Variants in LMX1A observed in about 807,000 individuals in gnomAD.
LMX1A encodes LIM homeobox transcription factor 1-alpha.
In LMX1A, 15 loss-of-function variants were observed where a neutral mutation model predicts 49.1. That is an observed-to-expected ratio of 0.31 (90% CI 0.20 to 0.47). The LOEUF (loss-of-function observed/expected upper bound fraction) is 0.47, where lower values mean the gene tolerates loss of function less well. Among genes scored for constraint, LMX1A ranks in the 20% least tolerant of loss-of-function variants. The pLI is 1.00. For missense variants in LMX1A, 372 were observed against 475.8 expected (o/e 0.78, Z 2.03); for synonymous variants, 167 against 185.7 (o/e 0.90, Z 0.82).
chr1:165,269,214 A>G (rs1653714790), intron 3 of LMX1A, among the ~76,000 whole-genome samples: 1 of 152,276 alleles, frequency 6.6e-6, no homozygotes, highest in South Asian at 2.1e-4. Flanking sequence ...CCCAGTGCAG[A>G]GAGCAGGGCT....
intron 2 of LMX1A, among the ~76,000 whole-genome samples, chr1:165,354,685 G>A (rs1196196330): frequency 6.6e-6 from 1 of 152,158 alleles, no homozygotes; most frequent in Non-Finnish European, 1.5e-5. Context: ...AGTGAAAGAG[G>A]CAAGAGGTTT....
intron 3 of LMX1A, among the ~76,000 whole-genome samples, chr1:165,250,621 C>A (rs1377338645): frequency 6.6e-6 from 1 of 152,160 alleles, no homozygotes; most frequent in Non-Finnish European, 1.5e-5. Flanking sequence ...GTTAGACTAT[C>A]TATTATATAT....
intron 3 of LMX1A, among the ~76,000 whole-genome samples, chr1:165,278,324 C>T (rs1571197375): frequency 6.6e-6 from 1 of 152,342 alleles, no homozygotes; most frequent in African/African-American, 2.4e-5. Context: ...TCTTTGTACA[C>T]TGAAAATCAA....
chr1:165,219,923 G>A (rs1416586649), intron 4 of LMX1A, among the ~76,000 whole-genome samples: 1 of 152,162 alleles, frequency 6.6e-6, no homozygotes, highest in Non-Finnish European at 1.5e-5. Flanking sequence ...TTAAGAGAGG[G>A]GACTAGGGAA....
chr1:165,317,480 G>C (rs1231309516), intron 3 of LMX1A, among the ~76,000 whole-genome samples: 1 of 152,136 alleles, frequency 6.6e-6, no homozygotes, highest in Non-Finnish European at 1.5e-5. Flanking sequence ...TTAAAAAGTA[G>C]AGGCAGAGCA....
At chr1:165,319,028 C>G (rs1351577158) in intron 3 of LMX1A, among the ~76,000 whole-genome samples, 2 of 140,720 alleles carry the variant, frequency 1.4e-5, no homozygotes, top group African/African-American at 2.6e-5. Context: ...CACACACACA[C>G]ACACACACAC....
chr1:165,301,648 G>A (rs1654776880), intron 3 of LMX1A, among the ~76,000 whole-genome samples: 1 of 152,154 alleles, frequency 6.6e-6, no homozygotes, highest in Non-Finnish European at 1.5e-5. Context: ...TGCTCCTCCA[G>A]TGTCAAAAAT....
intron 3 of LMX1A, among the ~76,000 whole-genome samples, chr1:165,250,744 G>A (rs770446235): frequency 1.3e-5 from 2 of 152,254 alleles, no homozygotes; most frequent in Non-Finnish European, 2.9e-5. Context: ...AATTAAAGTA[G>A]AGGGCTGTGG....
intron 3 of LMX1A, among the ~76,000 whole-genome samples, chr1:165,307,972 T>C (rs1389751426): frequency 6.6e-6 from 1 of 152,162 alleles, no homozygotes; most frequent in African/African-American, 2.4e-5. Context: ...CTTGGTTCCA[T>C]AAATGTTGAG....
intron 3 of LMX1A, among the ~76,000 whole-genome samples, chr1:165,297,657 G>A (rs989783820): frequency 1.3e-5 from 2 of 152,184 alleles, no homozygotes; most frequent in Non-Finnish European, 2.9e-5. Context: ...AGAGACTCCA[G>A]GCCCCAACAT....
intron 3 of LMX1A, among the ~76,000 whole-genome samples, chr1:165,250,907 C>T (rs1048981449): frequency 1.3e-5 from 2 of 152,110 alleles, no homozygotes; most frequent in Non-Finnish European, 2.9e-5. Flanking sequence ...GGGGAGGGAA[C>T]AGCCTGTGTG....
At chr1:165,318,697 C>T (rs144740760) in intron 3 of LMX1A, among the ~76,000 whole-genome samples, 1 of 151,990 alleles carries the variant, frequency 6.6e-6, no homozygotes, top group African/African-American at 2.4e-5. Context: ...GGCCTTTTAC[C>T]CTTCACCTTT....
chr1:165,268,891 T>C (rs775508394), intron 3 of LMX1A, among the ~76,000 whole-genome samples: 1 of 152,262 alleles, frequency 6.6e-6, no homozygotes, highest in South Asian at 2.1e-4. Flanking sequence ...AAAGACCATA[T>C]GACAGGCAAC....
intron 4 of LMX1A, among the ~76,000 whole-genome samples, chr1:165,242,453 G>C (rs1395195752): frequency 8.1e-6 from 1 of 123,936 alleles, no homozygotes; most frequent in African/African-American, 3.2e-5. Flanking sequence ...AATTTTAAAT[G>C]ATACATAAAA....
chr1:165,270,076 A>G (rs982678232), intron 3 of LMX1A, among the ~76,000 whole-genome samples: 8 of 152,116 alleles, frequency 5.3e-5, no homozygotes, highest in Non-Finnish European at 8.8e-5. Context: ...AAGAAAGAAA[A>G]TGTCCTCTAT....
intron 3 of LMX1A, among the ~76,000 whole-genome samples, chr1:165,329,094 G>A (rs1326591766): frequency 6.6e-6 from 1 of 152,178 alleles, no homozygotes; most frequent in Non-Finnish European, 1.5e-5. Context: ...TGGCTGGGGA[G>A]GCCTCAGAAA....
intron 3 of LMX1A, among the ~76,000 whole-genome samples, chr1:165,255,742 G>A (rs1175938049): frequency 6.6e-6 from 1 of 152,166 alleles, no homozygotes; most frequent in Non-Finnish European, 1.5e-5. Flanking sequence ...GGGAGGCCGA[G>A]GTGGGCGGAT....
intron 3 of LMX1A, among the ~76,000 whole-genome samples, chr1:165,308,598 C>A (rs186935324): frequency 1.8e-4 from 27 of 152,286 alleles, no homozygotes; most frequent in Non-Finnish European, 2.2e-4. Context: ...TCATTTAGTC[C>A]TCACAACGAT....
chr1:165,326,004 G>C (rs1024960438), intron 3 of LMX1A, among the ~76,000 whole-genome samples: 1 of 70,042 alleles, frequency 1.4e-5, no homozygotes, highest in Non-Finnish European at 3.4e-5. Flanking sequence ...TAATCCCAGG[G>C]GGGCTCCCCG....
Sources: allele counts gnomAD v4.1 joint callset (sites outside exome capture counted in the v4.1 genomes callset), GRCh38; gene constraint gnomAD v4.1.1; transcripts MANE v1.5; gene names NCBI Gene and HGNC (gene_info 2026-07-23, HGNC 2026-07-21).